Variants in FARP1 observed in about 807,000 individuals in gnomAD.
FARP1 encodes the protein FERM, ARH/RhoGEF and pleckstrin domain protein 1, also known as FERM, ARHGEF and pleckstrin domain-containing protein 1.
In FARP1, 52 loss-of-function variants were observed where a neutral mutation model predicts 128.8. The ratio of observed to expected loss-of-function variants is 0.40; its 90% confidence interval spans 0.32 to 0.51. The LOEUF is 0.51. FARP1 is among the 20% of genes least tolerant of loss of function. The pLI is 0.45. For synonymous variants in FARP1, 580 were observed against 551.8 expected (o/e 1.05, Z -0.72); for missense variants, 1,333 against 1,367.9 (o/e 0.97, Z 0.40).
chr13:98,209,818 A>G (rs962837204), intron 1 of FARP1, among the ~76,000 whole-genome samples: 21 of 113,686 alleles, frequency 1.8e-4, no homozygotes, highest in East Asian at 1.8e-3. Flanking sequence ...AAAAAAAAAA[A>G]AAAAAAAAAA....
At chr13:98,188,569 A>T (rs181956106) in intron 1 of FARP1, among the ~76,000 whole-genome samples, 1 of 152,186 alleles carries the variant, frequency 6.6e-6, no homozygotes, top group African/African-American at 2.4e-5. Context: ...TCAAAAGAAA[A>T]AAAAAGGAGA....
chr13:98,319,556 G>T (rs1253048044), intron 2 of FARP1, among the ~76,000 whole-genome samples: 1 of 152,148 alleles, frequency 6.6e-6, no homozygotes, highest in Non-Finnish European at 1.5e-5. Flanking sequence ...GGAGGCGGAG[G>T]TTGCAGTGAG....
intron 2 of FARP1, among the ~76,000 whole-genome samples, chr13:98,251,960 G>C (rs1201308616): frequency 6.6e-6 from 1 of 152,088 alleles, no homozygotes; most frequent in Non-Finnish European, 1.5e-5. Flanking sequence ...CGATTCTCCT[G>C]CGTCAGCCTC....
chr13:98,277,164 T>C (rs1884703149), intron 2 of FARP1, among the ~76,000 whole-genome samples: 1 of 44,844 alleles, frequency 2.2e-5, no homozygotes, highest in Admixed American at 2.5e-4. Flanking sequence ...TATGTATATA[T>C]TAGAAGCAGG....
chr13:98,283,239 T>A (rs1885014010), intron 2 of FARP1, among the ~76,000 whole-genome samples: 1 of 152,178 alleles, frequency 6.6e-6, no homozygotes, highest in Admixed American at 6.5e-5. Flanking sequence ...ATAAGGAAAA[T>A]CAGGACATCT....
chr13:98,145,551 T>TTTCTG (rs1875470719), intron 1 of FARP1, among the ~76,000 whole-genome samples: 1 of 139,266 alleles, frequency 7.2e-6, no homozygotes, highest in Admixed American at 7.4e-5. Flanking sequence ...TGGAGGAACG[T>TTTCTG]TTTTGTTTCA....
chr13:98,274,847 T>TG (rs1884561132), intron 2 of FARP1, among the ~76,000 whole-genome samples: 1 of 152,222 alleles, frequency 6.6e-6, no homozygotes, highest in African/African-American at 2.4e-5. Context: ...TCCTTTAATA[T>TG]GTTAGGGTTT....
chr13:98,181,513 T>C (rs1295040358), intron 1 of FARP1, among the ~76,000 whole-genome samples: 3 of 151,946 alleles, frequency 2.0e-5, no homozygotes, highest in Non-Finnish European at 4.4e-5. Flanking sequence ...GAAGAAGTGA[T>C]ACATTCTCAT....
rs570269631 is a variant in FARP1 at position 98,163,560 on chromosome 13, G to A, written c.-24+20068G>A. On this transcript the variant is annotated intron_variant, in intron 1 of 26. Transcript: ENST00000319562. ...TGTTGGTGTTTTTTTTTTTTGAGATGGGATCTCACTCTGTCACCCGGGCTG... is the reference window on the plus strand; with the variant it reads ...TGTTGGTGTTTTTTTTTTTTGAGATAGGATCTCACTCTGTCACCCGGGCTG... 6.1e-5 allele frequency among the ~76,000 whole-genome samples: 9 copies of A among 148,348 alleles called. No individual in the cohort carries two copies. In the South Asian group the frequency reaches 1.9e-3, roughly 32 times the overall value.
chr13:98,260,574 G>C (rs571583195), intron 2 of FARP1, among the ~76,000 whole-genome samples: 2 of 152,168 alleles, frequency 1.3e-5, no homozygotes, highest in African/African-American at 2.4e-5. Flanking sequence ...AAACAATGGG[G>C]ACAAATCCAG....
intron 1 of FARP1, among the ~76,000 whole-genome samples, chr13:98,182,604 G>A (rs1273223231): frequency 3.9e-5 from 6 of 152,218 alleles, no homozygotes; most frequent in Non-Finnish European, 8.8e-5. Flanking sequence ...TGGGATTACA[G>A]GGGTAAACCC....
At position 98,293,262 on chromosome 13, in the gene FARP1, A is replaced by G. The variant is rs1034125161; in HGVS notation, c.172-50500A>G. On this transcript the variant is annotated intron_variant, in intron 2 of 26. Transcript: ENST00000319562. The stretch of plus-strand genomic sequence containing the variant: ...GGCTGAGACCAGGCATGCTGGATAA[A>G]TATTTACCAAGCTAAGGAGGTCTGT... Among the ~76,000 whole-genome samples the G allele has an allele frequency of 5.9e-5, 9 of 152,322 alleles. 1 individual carries two copies. The highest frequency in any genetic ancestry group is 1.3e-4 in the Admixed American group (2 of 15,298).
intron 11 of FARP1, among the ~76,000 whole-genome samples, chr13:98,392,680 G>T (rs1890360727): frequency 6.6e-6 from 1 of 152,010 alleles, no homozygotes; most frequent in Admixed American, 6.5e-5. Flanking sequence ...TGCCTATTGA[G>T]AACCATCCAG....
chr13:98,256,948 G>GATATATATATAT (rs56701739), intron 2 of FARP1, among the ~76,000 whole-genome samples: 1 of 77,076 alleles, frequency 1.3e-5, no homozygotes, highest in Non-Finnish European at 2.7e-5. Flanking sequence ...TATATATGTG[G>GATATATATATAT]ATATATATAT....
intron 2 of FARP1, among the ~76,000 whole-genome samples, chr13:98,299,361 A>G (rs1289618403): frequency 6.6e-6 from 1 of 152,204 alleles, no homozygotes; most frequent in African/African-American, 2.4e-5. Flanking sequence ...ACCAGCCAAG[A>G]GACATAAAAG....
intron 2 of FARP1, among the ~76,000 whole-genome samples, chr13:98,262,815 C>G (rs1284284677): frequency 2.6e-5 from 4 of 152,074 alleles, no homozygotes; most frequent in Non-Finnish European, 5.9e-5. Flanking sequence ...CTTACCAGAT[C>G]ATTCAAATTA....
In FARP1 at chr13:98,277,148, A is replaced by ACACACACACACACCC. The variant is rs372627844; in HGVS notation, c.171+63736_171+63737insACACACACACACCCC. Among the ~76,000 whole-genome samples, 15 of 138,656 alleles carry ACACACACACACACCC rather than the reference A, an allele frequency of 1.1e-4. No homozygotes were observed. In the South Asian group the frequency reaches 1.6e-3, roughly 15 times the overall value. The allele number at this position is 138,656 out of a possible 152,430, so 91.0% of individuals were successfully genotyped here. A position where few individuals can be genotyped will look rare whatever the true frequency, so the allele number is the denominator to read the frequency against. ...CACACACACACACACACACACACAC[A>ACACACACACACACCC]CCCCATATGTATATATTAGAAGCAG... On this transcript the variant is annotated intron_variant, in intron 2 of 26. Transcript: ENST00000319562.
At chr13:98,151,829 T>G (rs1196445610) in intron 1 of FARP1, among the ~76,000 whole-genome samples, 2 of 151,240 alleles carry the variant, frequency 1.3e-5, no homozygotes, top group African/African-American at 4.9e-5. Flanking sequence ...GCCCGGCTAA[T>G]TTTTGTATTT....
chr13:98,272,232 G>A (rs145663927), intron 2 of FARP1, among the ~76,000 whole-genome samples: 53 of 152,180 alleles, frequency 3.5e-4, no homozygotes, highest in Admixed American at 6.5e-4. Flanking sequence ...GTTTCACCAT[G>A]TTGGCCAGGC....
Sources: gnomAD v4.1 joint callset for allele counts (sites outside exome capture counted in the v4.1 genomes callset) on GRCh38, gnomAD v4.1.1 for gene constraint, MANE v1.5 for transcripts, NCBI Gene and HGNC (gene_info 2026-07-23, HGNC 2026-07-21) for gene names.